The following RARG variants were observed in gnomAD, a reference collection of about 807,000 sequenced individuals.
RARG encodes the protein RAR-gamma.
RARG carries 17 observed loss-of-function variants against 43.7 expected under a neutral mutation model. That is an observed-to-expected ratio of 0.39 (90% CI 0.27 to 0.58). The LOEUF is 0.58. Ranked by LOEUF, RARG falls within the 20% of genes least tolerant of loss-of-function variation. The pLI is 0.57. For missense variants in RARG, 346 were observed against 598.7 expected (o/e 0.58, Z 4.40); for synonymous variants, 238 against 236.4 (o/e 1.01, Z -0.06).
intron 1 of RARG, chr12:53,231,491 C>G (rs958878498): frequency 6.6e-6 from 1 of 152,288 alleles, no homozygotes; most frequent in Non-Finnish European, 1.5e-5. Context: ...CGCGGAGGGC[C>G]AGGCTCACTT....
chr12:53,215,159 G>T lies in RARG; in HGVS notation c.475+134C>A. The T allele has an allele frequency of 1.8e-6, 2 of 1,103,536 alleles. No individual in the cohort carries two copies. The highest frequency in any genetic ancestry group is 1.6e-5 in the African/African-American group (1 of 63,616). The allele number at this position is 1,103,536 out of a possible 1,614,324, so 68.4% of individuals were successfully genotyped here. ...GAATGGAGCTAATCAAATAAGACTG[G>T]CCTGGGAGAAGGCAGCACCCCAGGG... On this transcript the variant is annotated intron_variant, in intron 5 of 9. Transcript: ENST00000425354. The surrounding 1 kb of genome is among the most constrained non-coding windows in gnomAD (Gnocchi z 6.4).
At chr12:53,228,048 C>T (rs1252933465) in intron 2 of RARG, among the ~76,000 whole-genome samples, 2 of 152,222 alleles carry the variant, frequency 1.3e-5, no homozygotes, top group African/African-American at 4.8e-5. Flanking sequence ...ATTCTCATTT[C>T]ACATATGAGG....
chr12:53,215,567 C>T lies in RARG; in HGVS notation c.333+79G>A. On this transcript the variant is annotated intron_variant, in intron 4 of 9. Coordinates refer to ENST00000425354, the MANE Select transcript of RARG (RefSeq NM_000966.6). This position sits in a 1 kb window ranked among gnomAD's most constrained non-coding sequence, Gnocchi z 6.4. ...TATGTGCAAAGCAGTGCTGCTCAGA[C>T]ACAGCATCTGTGTGCCTGGTCTCTC... is the stretch of plus-strand genomic sequence containing the variant. 1.3e-6 allele frequency: 2 copies of T among 1,583,668 alleles called. No individual in the cohort carries two copies. Among genetic ancestry groups the T allele is most frequent in the Non-Finnish European group, 1.7e-6 (2 of 1,160,548 alleles).
chr12:53,218,983 C>T (rs1417752330), intron 3 of RARG, among the ~76,000 whole-genome samples: 2 of 152,176 alleles, frequency 1.3e-5, no homozygotes, highest in South Asian at 2.1e-4. Context: ...TCAAAGCCGC[C>T]TCTCATCTGG....
In RARG at chr12:53,227,809, C is replaced by T. The variant is rs1943143157; in HGVS notation, c.-142-122G>A. On this transcript the variant is annotated intron_variant, in intron 2 of 9. Coordinates refer to ENST00000425354, the MANE Select transcript of RARG (RefSeq NM_000966.6). This position sits in a 1 kb window ranked among gnomAD's most constrained non-coding sequence, Gnocchi z 4.3. ...GCTGCTACAGTTTATCCTGCCCTGG[C>T]TCAGGGCCCTTGCAGTGTGGTAGAG... 1 of 715,256 alleles carries T rather than the reference C, an allele frequency of 1.4e-6. No homozygotes were observed. The highest frequency in any genetic ancestry group is 1.8e-5 in the African/African-American group (1 of 54,054). The allele number at this position is 715,256 out of a possible 1,614,324, so 44.3% of individuals were successfully genotyped here.
Position 53,215,765 on chromosome 12 carries a change from C to T in RARG, c.214G>A (p.Glu72Lys), listed in dbSNP as rs1942742644. 6.2e-7 allele frequency: 1 copy of T among 1,611,798 alleles called. No individual in the cohort carries two copies. The highest frequency in any genetic ancestry group is 2.2e-5 in the East Asian group (1 of 44,876). Residue 72 changes from glutamate to lysine, a missense_variant, in exon 4 of 10, where the codon GAG becomes AAG. Coordinates refer to ENST00000425354, the MANE Select transcript of RARG (RefSeq NM_000966.6). The surrounding 1 kb of genome is among the most constrained non-coding windows in gnomAD (Gnocchi z 6.4). ...GGCGAGGGCGAGCTGGGCACCATCT[C>T]CTCTGAGCTGGTGCTCTGTGTCTCC... is the stretch of plus-strand genomic sequence containing the variant. ...SVETQSTSSE[E>K]MVPSSPSPPP... is the part of the protein sequence containing the mutation.
At chr12:53,228,859 C>T (rs1484372543) in intron 2 of RARG, among the ~76,000 whole-genome samples, 1 of 152,200 alleles carries the variant, frequency 6.6e-6, no homozygotes, top group Non-Finnish European at 1.5e-5. Context: ...CAGGCGTGAG[C>T]GACACGCCCG....
chr12:53,214,942 G>T lies in RARG; in HGVS notation c.476-336C>A, dbSNP rs536667510. On this transcript the variant is annotated intron_variant, in intron 5 of 9. Transcript: ENST00000425354. ...CCTTGGCAGCACAATGGGGGCGAGGGGGGGGTGGAGAGGAGGAGCCACCCC... is the reference window on the plus strand; with the variant it reads ...CCTTGGCAGCACAATGGGGGCGAGGTGGGGGTGGAGAGGAGGAGCCACCCC... The T allele has an allele frequency of 1.9e-4, 76 of 408,182 alleles. No individual in the cohort carries two copies. In the Middle Eastern group the frequency reaches 2.0e-3, roughly 11 times the overall value. 25.3% of individuals were successfully genotyped at this position (408,182 alleles called of 1,614,324 possible). A position where few individuals can be genotyped will look rare whatever the true frequency, so the allele number is the denominator to read the frequency against.
intron 5 of RARG, chr12:53,214,854 T>A (rs1942714530): frequency 2.2e-6 from 1 of 458,708 alleles, no homozygotes; most frequent in African/African-American, 2.0e-5. Context: ...GTCCTTCCTG[T>A]CACCCTGCAG....
intron 3 of RARG, among the ~76,000 whole-genome samples, chr12:53,221,067 C>A (rs1358988577): frequency 2.6e-5 from 4 of 152,056 alleles, no homozygotes; most frequent in South Asian, 2.1e-4. Context: ...TCTCTGGGAA[C>A]CCCCCTCGGG....
Position 53,227,811 on chromosome 12 carries a change from C to G in RARG, c.-142-124G>C, listed in dbSNP as rs1485009388. The G allele has an allele frequency of 5.6e-6, 4 of 718,478 alleles. No individual in the cohort carries two copies. The East Asian group carries it at 1.6e-4, about 29-fold the overall frequency. The allele number at this position is 718,478 out of a possible 1,614,324, so 44.5% of individuals were successfully genotyped here. On this transcript the variant is annotated intron_variant, in intron 2 of 9. Transcript: ENST00000425354. This position sits in a 1 kb window ranked among gnomAD's most constrained non-coding sequence, Gnocchi z 4.3. Reference sequence around the variant, plus strand: ...TGCTACAGTTTATCCTGCCCTGGCTCAGGGCCCTTGCAGTGTGGTAGAGAG... The same window carrying G: ...TGCTACAGTTTATCCTGCCCTGGCTGAGGGCCCTTGCAGTGTGGTAGAGAG...
chr12:53,228,997 G>A (rs1565732108), intron 2 of RARG, among the ~76,000 whole-genome samples: 1 of 152,122 alleles, frequency 6.6e-6, no homozygotes, highest in Non-Finnish European at 1.5e-5. Flanking sequence ...GGGAAGGGGA[G>A]GAGAAGGAGG....
At chr12:53,224,391 C>G (rs1943059280) in intron 3 of RARG, among the ~76,000 whole-genome samples, 1 of 152,138 alleles carries the variant, frequency 6.6e-6, no homozygotes, top group South Asian at 2.1e-4. Flanking sequence ...CTCTCTTAGT[C>G]TATGTGTGAG....
intron 3 of RARG, among the ~76,000 whole-genome samples, chr12:53,224,239 C>G (rs1943056095): frequency 6.6e-6 from 1 of 151,960 alleles, no homozygotes; most frequent in Non-Finnish European, 1.5e-5. Context: ...CCTGTCTCAC[C>G]CCCCTTCAGA....
chr12:53,211,736 G>C lies in RARG; in HGVS notation c.1305C>G (p.Ala435=). 1 of 1,567,990 alleles carries C rather than the reference G, an allele frequency of 6.4e-7. No individual in the cohort carries two copies. The highest frequency in any genetic ancestry group is 8.6e-7 in the Non-Finnish European group (1 of 1,157,950). Residue 435 remains alanine, a synonymous_variant, in exon 10 of 10, where the codon GCC becomes GCG. Transcript: ENST00000425354. This position sits in a 1 kb window ranked among gnomAD's most constrained non-coding sequence, Gnocchi z 4.6. ...CCCCAGGAACCTCATCCTCGCTAGAGGCATTGGGGTGGGGACCAGGCTGCG... is the reference window on the plus strand; with the variant it reads ...CCCCAGGAACCTCATCCTCGCTAGACGCATTGGGGTGGGGACCAGGCTGCG... ...DSSQPGPHPN[A]SSEDEVPGGQ... is the part of the protein sequence containing the mutation.
At chr12:53,219,788 C>G (rs1942897377) in intron 3 of RARG, among the ~76,000 whole-genome samples, 1 of 152,206 alleles carries the variant, frequency 6.6e-6, no homozygotes, top group African/African-American at 2.4e-5. Context: ...ACTGCACACA[C>G]GCAAAGGAGA....
intron 2 of RARG, among the ~76,000 whole-genome samples, chr12:53,229,497 C>T (rs1204094919): frequency 6.6e-6 from 1 of 152,172 alleles, no homozygotes; most frequent in Admixed American, 6.5e-5. Context: ...CTCACCATGG[C>T]ACCACCCATA....
chr12:53,216,595 G>A (rs1942767542), intron 3 of RARG, among the ~76,000 whole-genome samples: 20 of 152,170 alleles, frequency 1.3e-4, no homozygotes, highest in Admixed American at 1.3e-3. Context: ...AGCAGAGGCT[G>A]AGGTGTTTGC....
chr12:53,226,185 G>T (rs1301438748), intron 3 of RARG, among the ~76,000 whole-genome samples: 2 of 152,198 alleles, frequency 1.3e-5, no homozygotes, highest in Non-Finnish European at 2.9e-5. Flanking sequence ...CTAGAGTGCA[G>T]TGGCGCGATC....
Sources: allele counts gnomAD v4.1 joint callset (sites outside exome capture counted in the v4.1 genomes callset), GRCh38; gene constraint gnomAD v4.1.1; non-coding constraint Gnocchi (gnomAD v3.1); transcripts MANE v1.5; gene names NCBI Gene and HGNC (gene_info 2026-07-23, HGNC 2026-07-21).